PTPRT: variants seen among roughly 807,000 people sequenced by gnomAD.
PTPRT encodes the protein receptor-type tyrosine-protein phosphatase T.
Under a neutral mutation model 176.8 loss-of-function variants are expected in PTPRT, and 56 were observed. That is an observed-to-expected ratio of 0.32 (90% CI 0.26 to 0.40). The LOEUF (loss-of-function observed/expected upper bound fraction) is 0.40, where lower values mean the gene tolerates loss of function less well. PTPRT is among the 10% of genes least tolerant of loss of function. The probability of loss-of-function intolerance (pLI) is 1.00; values close to 1 mark genes in which losing one functional copy is unlikely to be tolerated. For missense variants in PTPRT, 1,540 were observed against 1,908.2 expected (o/e 0.81, Z 3.60); for synonymous variants, 783 against 739.0 (o/e 1.06, Z -0.96).
At chr20:42,976,479 T>C (rs8116623) in intron 1 of PTPRT, among the ~76,000 whole-genome samples, 14,977 of 151,968 alleles carry the variant, frequency 0.099, 2,066 homozygotes, top group African/African-American at 0.31. Flanking sequence ...AATCTCGGCT[T>C]AGTGCAACCT....
At chr20:42,873,652 A>G (rs2078881977) in intron 2 of PTPRT, among the ~76,000 whole-genome samples, 1 of 152,178 alleles carries the variant, frequency 6.6e-6, no homozygotes, top group South Asian at 2.1e-4. Flanking sequence ...CAACATAAAC[A>G]TTATTAATAA....
chr20:42,462,202 G>A (rs2071032888), intron 8 of PTPRT, among the ~76,000 whole-genome samples: 1 of 152,150 alleles, frequency 6.6e-6, no homozygotes, highest in Admixed American at 6.5e-5. Flanking sequence ...GGTCATCTGT[G>A]GAAGTGAGAA....
In PTPRT at chr20:42,403,056, A is replaced by G. The variant is rs2058925238; in HGVS notation, c.1560+45164T>C. Among the ~76,000 whole-genome samples the G allele has an allele frequency of 2.0e-5, 3 of 152,248 alleles. No individual in the cohort carries two copies. The South Asian group carries it at 6.2e-4, about 32-fold the overall frequency. On this transcript the variant is annotated intron_variant, in intron 9 of 30. Transcript: ENST00000373187. ...TGTAGATAATACATAAAAGAAAACA[A>G]AAAGTCTTAGTCTGATTACCCAAGA...
chr20:42,651,255 A>G (rs1342690820), intron 7 of PTPRT, among the ~76,000 whole-genome samples: 1 of 152,196 alleles, frequency 6.6e-6, no homozygotes, highest in Non-Finnish European at 1.5e-5. Context: ...AAACTAGAAT[A>G]AATAGGAATT....
At chr20:42,245,479 C>A (rs1170287999) in intron 14 of PTPRT, among the ~76,000 whole-genome samples, 1 of 152,156 alleles carries the variant, frequency 6.6e-6, no homozygotes, top group South Asian at 2.1e-4. Context: ...AGATCTCCCT[C>A]CCCCCGTTAC....
intron 1 of PTPRT, among the ~76,000 whole-genome samples, chr20:42,906,376 T>TCTCCCTCATGG (rs1167698960): frequency 6.6e-6 from 1 of 152,064 alleles, no homozygotes. Context: ...TCCCACTCCA[T>TCTCCCTCATGG]CTCCCTCATG....
intron 1 of PTPRT, among the ~76,000 whole-genome samples, chr20:43,050,431 C>A (rs1403837297): frequency 6.6e-6 from 1 of 152,204 alleles, no homozygotes; most frequent in Non-Finnish European, 1.5e-5. Context: ...TGAGCAAGGC[C>A]ACGGCCACCC....
At chr20:42,595,738 C>G (rs1183946514) in intron 7 of PTPRT, among the ~76,000 whole-genome samples, 1 of 152,182 alleles carries the variant, frequency 6.6e-6, no homozygotes, top group Non-Finnish European at 1.5e-5. Flanking sequence ...GAGCAGGCTG[C>G]CTTCTCTCCT....
rs1219478591 is a variant in PTPRT, at chr20:42,618,825, T to A, written c.1153+59041A>T. Among the ~76,000 whole-genome samples the A allele has an allele frequency of 6.7e-3, 933 of 139,662 alleles. 5 individuals carry two copies. Among genetic ancestry groups the A allele is most frequent in the Non-Finnish European group, 0.011 (696 of 65,306 alleles). 91.6% of individuals were successfully genotyped at this position (139,662 alleles called of 152,430 possible). ...TTCCTCCATCCTTTTATTTTGAGCC[T>A]ATGTGTGTCTCTGCACGTGAGATGG... On this transcript the variant is annotated intron_variant, in intron 7 of 30. Coordinates refer to ENST00000373187, the MANE Select transcript of PTPRT (RefSeq NM_007050.6).
At chr20:42,472,600 A>G in intron 7 of PTPRT, 38 bp from the exon 8 acceptor site, 1 of 1,591,656 alleles carries the variant, frequency 6.3e-7, no homozygotes, top group Non-Finnish European at 8.6e-7. Context: ...GGTTCTGAAG[A>G]GACCATCGGG....
intron 8 of PTPRT, among the ~76,000 whole-genome samples, chr20:42,448,874 C>CA (rs34886597): frequency 1.9e-4 from 28 of 147,820 alleles, no homozygotes; most frequent in African/African-American, 4.5e-4. Flanking sequence ...AAAAAAATTA[C>CA]AAAAAAAAAA....
the PTPRT span, among the ~76,000 whole-genome samples, chr20:42,053,734 G>A: frequency 6.6e-6 from 1 of 152,164 alleles, no homozygotes; most frequent in Non-Finnish European, 1.5e-5. Flanking sequence ...TTTGCAACTT[G>A]AACCCATTTA....
chr20:42,511,491 G>C (rs1052117737), intron 7 of PTPRT, among the ~76,000 whole-genome samples: 2 of 151,834 alleles, frequency 1.3e-5, no homozygotes, highest in Admixed American at 6.6e-5. Flanking sequence ...ACTGAATATA[G>C]TACTCATCGT....
chr20:42,828,116 G>C (rs2078026511), intron 2 of PTPRT, among the ~76,000 whole-genome samples: 1 of 152,222 alleles, frequency 6.6e-6, no homozygotes, highest in African/African-American at 2.4e-5. Context: ...GAATATCCTA[G>C]AGACTTGTTG....
intron 17 of PTPRT, among the ~76,000 whole-genome samples, chr20:42,144,977 T>G (rs949509352): frequency 6.6e-6 from 1 of 152,200 alleles, no homozygotes; most frequent in African/African-American, 2.4e-5. Flanking sequence ...CTACCTTTCT[T>G]GCATCTGGTC....
intron 1 of PTPRT, among the ~76,000 whole-genome samples, chr20:43,008,873 C>T (rs949785874): frequency 2.6e-5 from 4 of 152,140 alleles, no homozygotes; most frequent in Non-Finnish European, 5.9e-5. Flanking sequence ...TTCCATTGCC[C>T]GTCTCCTGTG....
the PTPRT span, among the ~76,000 whole-genome samples, chr20:42,054,558 T>C: frequency 6.6e-6 from 1 of 152,196 alleles, no homozygotes; most frequent in Non-Finnish European, 1.5e-5. Context: ...ATTTCTCTGT[T>C]GGTGTCTGTG....
intron 22 of PTPRT, 77 bp downstream of exon 22, chr20:42,115,122 G>A: frequency 1.8e-6 from 2 of 1,081,534 alleles, no homozygotes; most frequent in East Asian, 2.4e-5. Flanking sequence ...CAGACCCTCA[G>A]TTACCACATG....
intron 1 of PTPRT, among the ~76,000 whole-genome samples, chr20:43,184,649 C>G (rs1028011264): frequency 3.3e-5 from 5 of 151,930 alleles, no homozygotes; most frequent in Middle Eastern, 3.4e-3. Flanking sequence ...ATCACGCCAC[C>G]GTGCTCCAGC....
Sources: allele counts gnomAD v4.1 joint callset (sites outside exome capture counted in the v4.1 genomes callset), GRCh38; gene constraint gnomAD v4.1.1; transcripts MANE v1.5; gene names NCBI Gene and HGNC (gene_info 2026-07-23, HGNC 2026-07-21).